Variants in SHISA9 observed in about 807,000 individuals in gnomAD.
SHISA9 encodes protein shisa-9.
In SHISA9, 13 loss-of-function variants were observed where a neutral mutation model predicts 38.0. That is an observed-to-expected ratio of 0.34 (90% confidence interval 0.22 to 0.54). The LOEUF (loss-of-function observed/expected upper bound fraction) is 0.54, where lower values mean the gene tolerates loss of function less well. Ranked by LOEUF, SHISA9 falls within the 20% of genes least tolerant of loss-of-function variation. SHISA9 has a pLI of 0.91. For synonymous variants in SHISA9, 275 were observed against 242.0 expected, an observed-to-expected ratio of 1.14 and a Z score of -1.27; for missense variants, 538 against 575.8, an observed-to-expected ratio of 0.93 and a Z score of 0.67.
chr16:13,243,538 T>G (rs149558725), downstream of SHISA9, among the ~76,000 whole-genome samples: 373 of 152,220 alleles, frequency 2.5e-3, 4 homozygotes, highest in African/African-American at 8.0e-3. Flanking sequence ...AAAGGAATGT[T>G]TGGGTTGATG....
chr16:13,530,313 A>T, the SHISA9 span, among the ~76,000 whole-genome samples: 3 of 152,128 alleles, frequency 2.0e-5, no homozygotes, highest in Non-Finnish European at 1.5e-5. Flanking sequence ...AAAATAAATA[A>T]AAATAAATAA....
chr16:13,455,032 C>T, the SHISA9 span, among the ~76,000 whole-genome samples: 2 of 151,982 alleles, frequency 1.3e-5, no homozygotes, highest in Non-Finnish European at 2.9e-5. Flanking sequence ...TTATCATATC[C>T]CCTAAGTCAT....
At chr16:13,295,539 A>T in the SHISA9 span, among the ~76,000 whole-genome samples, 1 of 152,288 alleles carries the variant, frequency 6.6e-6, no homozygotes, top group Non-Finnish European at 1.5e-5. Context: ...TTCAGAGGGC[A>T]TTGAAAATCA....
At chr16:12,916,289 C>T (rs1338619294) in intron 1 of SHISA9, among the ~76,000 whole-genome samples, 1 of 152,132 alleles carries the variant, frequency 6.6e-6, no homozygotes, top group African/African-American at 2.4e-5. Flanking sequence ...ATGGCAAATA[C>T]TCAATAAATG....
the SHISA9 span, among the ~76,000 whole-genome samples, chr16:13,381,087 G>C: frequency 6.6e-6 from 1 of 151,944 alleles, no homozygotes; most frequent in South Asian, 2.1e-4. Flanking sequence ...CATTTGGGTT[G>C]GTTCCAAGTC....
chr16:13,049,701 A>C (rs904700166), intron 2 of SHISA9, among the ~76,000 whole-genome samples: 27 of 152,190 alleles, frequency 1.8e-4, no homozygotes, highest in Admixed American at 1.8e-3. Flanking sequence ...AAGGATAATG[A>C]GTCCTCATTT....
chr16:12,935,545 A>T (rs2071518259), intron 2 of SHISA9, among the ~76,000 whole-genome samples: 1 of 152,110 alleles, frequency 6.6e-6, no homozygotes, highest in African/African-American at 2.4e-5. Flanking sequence ...GGGAAGGAAA[A>T]TCGAATAATT....
chr16:12,910,259 G>A (rs11075173), intron 1 of SHISA9: 113,614 of 166,392 alleles, frequency 0.68, 39,666 homozygotes, highest in East Asian at 0.78. Flanking sequence ...TAAGAGTTCT[G>A]CATTTGATAT....
the SHISA9 span, among the ~76,000 whole-genome samples, chr16:13,346,405 A>G: frequency 6.6e-6 from 1 of 152,192 alleles, no homozygotes; most frequent in Non-Finnish European, 1.5e-5. Flanking sequence ...ACTAGGCCAG[A>G]CTTGGTCGTC....
chr16:13,552,809 T>G, the SHISA9 span, among the ~76,000 whole-genome samples: 1 of 152,202 alleles, frequency 6.6e-6, no homozygotes, highest in East Asian at 1.9e-4. Flanking sequence ...TCACTTCTAA[T>G]AATTGGCCTC....
the SHISA9 span, among the ~76,000 whole-genome samples, chr16:13,411,781 C>T: frequency 6.6e-6 from 1 of 152,344 alleles, no homozygotes; most frequent in African/African-American, 2.4e-5. Context: ...AGAGAGATGG[C>T]TGCCTGTGTC....
chr16:13,456,485 G>A, the SHISA9 span, among the ~76,000 whole-genome samples: 7 of 152,208 alleles, frequency 4.6e-5, no homozygotes, highest in South Asian at 4.1e-4. Context: ...CTGGGATGCC[G>A]ATGTCCATTC....
intron 2 of SHISA9, among the ~76,000 whole-genome samples, chr16:13,097,789 A>T (rs1007622340): frequency 6.6e-6 from 1 of 152,130 alleles, no homozygotes; most frequent in Non-Finnish European, 1.5e-5. Flanking sequence ...GGTGATGGGG[A>T]GTGGACAGGA....
intron 4 of SHISA9, among the ~76,000 whole-genome samples, chr16:13,229,363 G>A (rs963926964): frequency 2.6e-5 from 4 of 152,152 alleles, no homozygotes; most frequent in Non-Finnish European, 5.9e-5. Context: ...TGACTTTATC[G>A]GACTTTCTAG....
chr16:12,907,771 C>A (rs534551489), intron 1 of SHISA9, among the ~76,000 whole-genome samples: 1 of 152,248 alleles, frequency 6.6e-6, no homozygotes, highest in South Asian at 2.1e-4. Flanking sequence ...AATCCAGATT[C>A]CTGATTTCTC....
intron 2 of SHISA9, among the ~76,000 whole-genome samples, chr16:13,170,585 ACAC>A (rs2050677376): frequency 6.6e-6 from 1 of 152,220 alleles, no homozygotes; most frequent in Non-Finnish European, 1.5e-5. Flanking sequence ...GTACCATGGC[ACAC>A]GTTTACCTAT....
chr16:13,031,246 C>T (rs2072987581), intron 2 of SHISA9, among the ~76,000 whole-genome samples: 1 of 152,112 alleles, frequency 6.6e-6, no homozygotes, highest in South Asian at 2.1e-4. Context: ...TTTTCTCTGG[C>T]CCTTGGTTTC....
At chr16:13,126,429 GGA>G (rs2050256756) in intron 2 of SHISA9, among the ~76,000 whole-genome samples, 2 of 151,796 alleles carry the variant, frequency 1.3e-5, no homozygotes, top group African/African-American at 4.8e-5. Context: ...AGAGGAAGAG[GGA>G]GAGAGAGAGG....
At chr16:12,908,371 A>G (rs2071132047) in intron 1 of SHISA9, 2 of 1,495,142 alleles carry the variant, frequency 1.3e-6, no homozygotes, top group African/African-American at 1.4e-5. Context: ...AATACATTGC[A>G]AAGTGTTGGC....
Sources: allele counts gnomAD v4.1 joint callset (sites outside exome capture counted in the v4.1 genomes callset), GRCh38; gene constraint gnomAD v4.1.1; transcripts MANE v1.5; gene names NCBI Gene and HGNC (gene_info 2026-07-23, HGNC 2026-07-21).